The following ARHGAP22 variants were observed in gnomAD, a reference collection of about 807,000 sequenced individuals.
The protein encoded by ARHGAP22 is rho GTPase-activating protein 22.
A neutral mutation model predicts 59.1 loss-of-function variants in ARHGAP22; 48 were observed. The observed-to-expected ratio is 0.81, with a 90% CI of 0.64 to 1.03. ARHGAP22 has a LOEUF of 1.03. Among genes scored for constraint, ARHGAP22 ranks in the 50% least tolerant of loss-of-function variants. The pLI is 0.00. For missense variants in ARHGAP22, 1,015 were observed against 958.7 expected, an observed-to-expected ratio of 1.06 and a Z score of -0.78; for synonymous variants, 445 against 416.4, an observed-to-expected ratio of 1.07 and a Z score of -0.84.
chr10:48,463,876 A>G (rs1025955644), intron 4 of ARHGAP22, among the ~76,000 whole-genome samples: 11 of 152,136 alleles, frequency 7.2e-5, no homozygotes, highest in Admixed American at 2.6e-4. Flanking sequence ...ACCCATCTCA[A>G]CTCACAGCGT....
At chr10:48,538,326 G>A (rs7092639) in intron 3 of ARHGAP22, among the ~76,000 whole-genome samples, 84,069 of 152,004 alleles carry the variant, frequency 0.55, 24,311 homozygotes, top group East Asian at 0.99. Flanking sequence ...ATTTGGGGCC[G>A]CTCTAATTCA....
At chr10:48,578,110 T>C (rs2058868427) in intron 2 of ARHGAP22, among the ~76,000 whole-genome samples, 1 of 152,070 alleles carries the variant, frequency 6.6e-6, no homozygotes, top group Admixed American at 6.6e-5. Context: ...CGCCTGGCCC[T>C]AACTGCTTTT....
chr10:48,587,768 G>A (rs1467445944), intron 1 of ARHGAP22, among the ~76,000 whole-genome samples: 2 of 152,212 alleles, frequency 1.3e-5, no homozygotes, highest in African/African-American at 4.8e-5. Flanking sequence ...AACAAGGCCT[G>A]AAGCTGGTTC....
chr10:48,533,113 T>C, intron 3 of ARHGAP22, among the ~76,000 whole-genome samples: 1 of 152,038 alleles, frequency 6.6e-6, no homozygotes, highest in South Asian at 2.1e-4. Context: ...CAAGAACCCC[T>C]GTCCCCGTAC....
chr10:48,508,771 G>C (rs11101352), intron 3 of ARHGAP22, among the ~76,000 whole-genome samples: 22,403 of 152,286 alleles, frequency 0.15, 2,449 homozygotes, highest in East Asian at 0.59. Context: ...GCCCAGGGCA[G>C]GGTACATTCA....
At chr10:48,523,703 G>C (rs1196799757) in intron 3 of ARHGAP22, among the ~76,000 whole-genome samples, 1 of 151,898 alleles carries the variant, frequency 6.6e-6, no homozygotes, top group African/African-American at 2.4e-5. Flanking sequence ...GGGTTCCTCC[G>C]TCCCGGCCGT....
upstream of ARHGAP22, among the ~76,000 whole-genome samples, chr10:48,608,598 G>A (rs368671152): frequency 6.6e-5 from 10 of 152,146 alleles, no homozygotes; most frequent in African/African-American, 1.9e-4. Context: ...CAGCCTGCCT[G>A]CTTAGTGCAC....
Position 48,652,017 on chromosome 10 carries a change from T to C in ARHGAP22, c.52+217A>G, listed in dbSNP as rs551871127. On this transcript the variant is annotated intron_variant, in intron 1 of 9. Coordinates refer to the ARHGAP22 transcript ENST00000435790. Reference sequence around the variant, plus strand: ...AGAGCCCAGGACCCTGAAGTCTCTGTTTTTCAGGCAGACACAGAGCAGCTG... The same window carrying C: ...AGAGCCCAGGACCCTGAAGTCTCTGCTTTTCAGGCAGACACAGAGCAGCTG... Among the ~76,000 whole-genome samples the C allele has an allele frequency of 4.6e-5, 7 of 152,092 alleles. No homozygotes were observed. The South Asian group carries it at 1.2e-3, about 27-fold the overall frequency.
intron 3 of ARHGAP22, among the ~76,000 whole-genome samples, chr10:48,529,951 A>G (rs559526477): frequency 6.6e-6 from 1 of 152,158 alleles, no homozygotes; most frequent in Admixed American, 6.5e-5. Flanking sequence ...ATAAAAATCA[A>G]CTTGGCTGGG....
At chr10:48,547,513 A>G (rs1189625213) in intron 3 of ARHGAP22, among the ~76,000 whole-genome samples, 1 of 152,174 alleles carries the variant, frequency 6.6e-6, no homozygotes, top group Non-Finnish European at 1.5e-5. Flanking sequence ...CTGGCCCCCG[A>G]GTCTCCTGAC....
downstream of ARHGAP22, chr10:48,444,219 A>T (rs1219680148): frequency 1.3e-5 from 2 of 152,202 alleles, no homozygotes; most frequent in African/African-American, 4.8e-5. Flanking sequence ...TTCATATTAA[A>T]TGATGTAATT....
At chr10:48,552,356 A>C (rs1033748575) in intron 3 of ARHGAP22, among the ~76,000 whole-genome samples, 1 of 152,266 alleles carries the variant, frequency 6.6e-6, no homozygotes, top group Non-Finnish European at 1.5e-5. Context: ...CCCAGACCCC[A>C]GGCGGGGCTG....
intron 3 of ARHGAP22, among the ~76,000 whole-genome samples, chr10:48,540,725 C>T (rs2055852191): frequency 6.6e-6 from 1 of 152,110 alleles, no homozygotes; most frequent in African/African-American, 2.4e-5. Context: ...AACTAGACTC[C>T]ATTTCTTGTT....
At chr10:48,642,693 C>T (rs2136166642) in intron 1 of ARHGAP22, among the ~76,000 whole-genome samples, 1 of 152,298 alleles carries the variant, frequency 6.6e-6, no homozygotes, top group African/African-American at 2.4e-5. Flanking sequence ...GACTTCATGT[C>T]TAAAACACCA....
intron 3 of ARHGAP22, 108 bp from the exon 4 acceptor site, chr10:48,479,872 C>T (rs2049123140): frequency 3.6e-6 from 4 of 1,120,614 alleles, no homozygotes; most frequent in Non-Finnish European, 4.9e-6. Context: ...CAAAGTCCTT[C>T]CAGCAACAGC....
rs79244751 is a variant in ARHGAP22 at position 48,447,758 on chromosome 10, C to T, written c.1869-1139G>A. 5.0e-3 allele frequency among the ~76,000 whole-genome samples: 767 copies of T among 152,336 alleles called. 6 individuals are homozygous for T. Among genetic ancestry groups the T allele is most frequent in the African/African-American group, 0.017 (706 of 41,568 alleles). Reference sequence around the variant, plus strand: ...TGACTTAAAGGGTCCTGACCCTCATCTCCAGACCACTCTTCCGCAGCCCTG... The same window carrying T: ...TGACTTAAAGGGTCCTGACCCTCATTTCCAGACCACTCTTCCGCAGCCCTG... On this transcript the variant is annotated intron_variant, in intron 9 of 9. Transcript: ENST00000249601.
At chr10:48,597,056 T>C (rs1460593057) in intron 1 of ARHGAP22, among the ~76,000 whole-genome samples, 2 of 152,198 alleles carry the variant, frequency 1.3e-5, no homozygotes, top group Non-Finnish European at 2.9e-5. Context: ...TCCTAAGGTA[T>C]GAAGACCCCT....
At chr10:48,439,244 C>T in the ARHGAP22 span, 1 of 149,806 alleles carries the variant, frequency 6.7e-6, no homozygotes, top group Admixed American at 6.7e-5. Context: ...GGTTTTTCAT[C>T]ATTCATGCCC....
chr10:48,550,964 T>A (rs2056849602), intron 3 of ARHGAP22, among the ~76,000 whole-genome samples: 1 of 152,208 alleles, frequency 6.6e-6, no homozygotes, highest in Non-Finnish European at 1.5e-5. Flanking sequence ...CACATCTGGT[T>A]CAAAGCTCTT....
Sources: gnomAD v4.1 joint callset for allele counts (sites outside exome capture counted in the v4.1 genomes callset) on GRCh38, gnomAD v4.1.1 for gene constraint, MANE v1.5 for transcripts, NCBI Gene and HGNC (gene_info 2026-07-23, HGNC 2026-07-21) for gene names.